Variants in CD55 observed in about 807,000 individuals in gnomAD.
The protein encoded by CD55 is CD55 molecule (Cromer blood group), also known as complement decay-accelerating factor.
In CD55, 41 loss-of-function variants were observed where a neutral mutation model predicts 45.8. The ratio of observed to expected loss-of-function variants is 0.90; its 90% CI spans 0.70 to 1.16. The LOEUF (loss-of-function observed/expected upper bound fraction) is 1.16, where lower values mean the gene tolerates loss of function less well. Ranked by LOEUF, CD55 falls within the 50% of genes most tolerant of loss-of-function variation. CD55 has a pLI of 0.00. For synonymous variants in CD55, 181 were observed against 181.1 expected (o/e 1.00, Z 0.01); for missense variants, 416 against 469.8 (o/e 0.89, Z 1.06).
chr1:207,359,115 T>C (rs1656186242), intron 9 of CD55, among the ~76,000 whole-genome samples: 1 of 152,178 alleles, frequency 6.6e-6, no homozygotes, highest in African/African-American at 2.4e-5. Context: ...TATACAAAAT[T>C]ATCACACAAA....
intron 9 of CD55, among the ~76,000 whole-genome samples, chr1:207,356,995 A>G (rs1656101997): frequency 6.6e-6 from 1 of 152,176 alleles, no homozygotes; most frequent in Non-Finnish European, 1.5e-5. Flanking sequence ...GAAAACTATT[A>G]ATTTAATGCT....
intron 9 of CD55, chr1:207,350,223 G>A (rs1655812039): frequency 5.0e-6 from 2 of 396,276 alleles, no homozygotes; most frequent in Non-Finnish European, 1.0e-5. Flanking sequence ...CTTGATCGTG[G>A]TAAGTTAGGT....
chr1:207,325,029 AAATTAG>A (rs1329593907), intron 3 of CD55, among the ~76,000 whole-genome samples: 2 of 152,170 alleles, frequency 1.3e-5, no homozygotes, highest in African/African-American at 4.8e-5. Flanking sequence ...TTATAAAGAG[AAATTAG>A]AATTAAAGAA....
intron 2 of CD55, 98 bp downstream of exon 2, chr1:207,322,665 A>G: frequency 1.9e-6 from 2 of 1,052,154 alleles, no homozygotes; most frequent in Non-Finnish European, 2.7e-6. Flanking sequence ...ATAGTTCTCT[A>G]GCGTTACTAA....
At chr1:207,359,309 G>A (rs2782838) in intron 9 of CD55, among the ~76,000 whole-genome samples, 150,560 of 152,118 alleles carry the variant, frequency 0.99, 74,532 homozygotes, top group Middle Eastern at 1. Flanking sequence ...CTTAGCCACT[G>A]TTCAACTCGA....
rs1305443027 is a variant in CD55, at chr1:207,337,056, C to T, written c.979+238C>T. 4 of 614,014 alleles carry T rather than the reference C, an allele frequency of 6.5e-6. No individual in the cohort carries two copies. In the Admixed American group the frequency reaches 9.0e-5, roughly 14 times the overall value. 38.0% of individuals were successfully genotyped at this position (614,014 alleles called of 1,614,324 possible). A position where few individuals can be genotyped will look rare whatever the true frequency, so the allele number is the denominator to read the frequency against. ...ACCCTACCAACTCTTCAGAAACCCA[C>T]CAGAGCAAATGATTCAGCCACCAAA... On this transcript the variant is annotated intron_variant, in intron 7 of 9. Transcript: ENST00000367064.
At position 207,322,539 on chromosome 1, in the gene CD55, A is replaced by G. The variant is rs200552334; in HGVS notation, c.258A>G (p.Gln86=). The G allele has an allele frequency of 3.2e-5, 51 of 1,613,550 alleles. No homozygotes were observed. In the East Asian group the frequency reaches 8.7e-4, roughly 27 times the overall value. Residue 86 remains glutamine (Q), a synonymous_variant, in exon 2 of 10, where the codon CAA becomes CAG. Transcript: ENST00000367064. The part of the protein sequence containing the change: ...KDSVICLKGS[Q]WSDIEEFCNR... ...CAGTGATCTGCCTTAAGGGCAGTCAATGGTCAGATATTGAAGAGTTCTGCA... is the reference window on the plus strand; with the variant it reads ...CAGTGATCTGCCTTAAGGGCAGTCAGTGGTCAGATATTGAAGAGTTCTGCA...
chr1:207,321,974 C>G (rs550320443), intron 1 of CD55, 109 bp downstream of exon 1: 97 of 771,990 alleles, frequency 1.3e-4, no homozygotes, highest in Non-Finnish European at 1.9e-4. Context: ...GGAGCTTGGC[C>G]CGCGGTCGTG....
chr1:207,328,480 G>A (rs892287119), intron 5 of CD55, among the ~76,000 whole-genome samples: 3 of 152,174 alleles, frequency 2.0e-5, no homozygotes, highest in African/African-American at 7.2e-5. Flanking sequence ...GTGTCCATGC[G>A]TGAATATGGA....
chr1:207,347,974 G>GT (rs1291385572), intron 9 of CD55, among the ~76,000 whole-genome samples: 1 of 152,146 alleles, frequency 6.6e-6, no homozygotes, highest in Non-Finnish European at 1.5e-5. Flanking sequence ...TCTTTATCCA[G>GT]TTCACCACTG....
chr1:207,321,808 C>T lies in CD55; in HGVS notation c.43C>T (p.Leu15Phe), dbSNP rs1654415350. 6.5e-7 allele frequency: 1 copy of T among 1,528,294 alleles called. No homozygotes were observed. Among genetic ancestry groups the T allele is most frequent in the Non-Finnish European group, 8.7e-7 (1 of 1,143,412 alleles). The allele number at this position is 1,528,294 out of a possible 1,614,324, so 94.7% of individuals were successfully genotyped here. ...GAGCGTGCCCGCGGCGCTGCCCCTC[C>T]TCGGGGAGCTGCCCCGGCTGCTGCT... is the stretch of plus-strand genomic sequence containing the variant. The part of the protein sequence containing the change: ...RPSVPAALPL[L>F]GELPRLLLLV... Residue 15 changes from leucine to phenylalanine, a missense_variant, in exon 1 of 10, where the codon CTC becomes TTC. Leu to Phe is a conservative substitution (Grantham distance 22). Coordinates refer to ENST00000367064, the MANE Select transcript of CD55 (RefSeq NM_000574.5).
intron 9 of CD55, chr1:207,347,025 C>G (rs1053181018): frequency 1.8e-5 from 8 of 446,834 alleles, no homozygotes; most frequent in Admixed American, 1.2e-4. Context: ...GGCTGCCTTG[C>G]TTCTGTCTCC....
chr1:207,345,317 C>T (rs1011925818), intron 9 of CD55, among the ~76,000 whole-genome samples: 5 of 151,916 alleles, frequency 3.3e-5, no homozygotes, highest in Non-Finnish European at 5.9e-5. Flanking sequence ...TCTGCTTGAT[C>T]TAGCCTATTA....
At chr1:207,350,698 A>G (rs936464307) in intron 9 of CD55, among the ~76,000 whole-genome samples, 2 of 152,022 alleles carry the variant, frequency 1.3e-5, no homozygotes, top group African/African-American at 4.8e-5. Context: ...GTTGGTGGTA[A>G]TGTCCCCTTT....
intron 8 of CD55, 174 bp downstream of exon 8, chr1:207,337,583 C>G (rs1037528874): frequency 4.8e-6 from 2 of 415,316 alleles, no homozygotes. Context: ...TAGGGCAAAT[C>G]TTTAAAAAAA....
intron 6 of CD55, among the ~76,000 whole-genome samples, chr1:207,334,070 C>T (rs1286990590): frequency 6.6e-6 from 1 of 151,874 alleles, no homozygotes; most frequent in East Asian, 1.9e-4. Context: ...TGACTCTAAG[C>T]TGAATAAAAA....
chr1:207,343,568 T>G (rs1465698811), intron 9 of CD55, among the ~76,000 whole-genome samples: 1 of 152,204 alleles, frequency 6.6e-6, no homozygotes, highest in East Asian at 1.9e-4. Context: ...TTTTCAAATT[T>G]ATTGAGACTT....
At chr1:207,339,492 A>G (rs374419274) in intron 9 of CD55, 75 bp downstream of exon 9, 3 of 1,123,668 alleles carry the variant, frequency 2.7e-6, no homozygotes, top group Non-Finnish European at 2.6e-6. Context: ...CTGGGAGATA[A>G]TATTGTCTTC....
chr1:207,333,511 T>C (rs1185762256), intron 6 of CD55, among the ~76,000 whole-genome samples: 2 of 152,196 alleles, frequency 1.3e-5, no homozygotes, highest in Non-Finnish European at 2.9e-5. Flanking sequence ...ATGGTTTATA[T>C]ACAATGTTTG....
Sources: allele counts gnomAD v4.1 joint callset (sites outside exome capture counted in the v4.1 genomes callset), GRCh38; gene constraint gnomAD v4.1.1; transcripts MANE v1.5; gene names NCBI Gene and HGNC (gene_info 2026-07-23, HGNC 2026-07-21).